The following DOCK1 variants were observed in gnomAD, a reference collection of about 807,000 sequenced individuals.
DOCK1 encodes the protein dedicator of cytokinesis 1.
DOCK1 carries 138 observed loss-of-function variants against 262.7 expected under a neutral mutation model. That is an observed-to-expected ratio of 0.53 (90% CI 0.46 to 0.61). The LOEUF is 0.61. DOCK1 is among the 20% of genes least tolerant of loss of function. The pLI is 0.00. For missense variants in DOCK1, 1,908 were observed against 2,370.7 expected (o/e 0.80, Z 4.05); for synonymous variants, 866 against 867.4 (o/e 1.00, Z 0.03).
intron 15 of DOCK1, chr10:127,024,999 C>T: frequency 2.3e-6 from 1 of 433,126 alleles, no homozygotes; most frequent in Non-Finnish European, 4.1e-6. Context: ...ATAGGACGTT[C>T]ATGGAGACAA....
chr10:127,321,687 T>C (rs1427654799), intron 29 of DOCK1, among the ~76,000 whole-genome samples: 1 of 151,752 alleles, frequency 6.6e-6, no homozygotes, highest in Non-Finnish European at 1.5e-5. Context: ...CAGTTACCTC[T>C]GCAGCGTCCT....
chr10:127,387,813 G>T (rs2066215606), intron 38 of DOCK1, among the ~76,000 whole-genome samples: 1 of 151,742 alleles, frequency 6.6e-6, no homozygotes, highest in South Asian at 2.1e-4. Context: ...CTCATGTATG[G>T]CAGGACAGGT....
chr10:127,388,143 A>C (rs1447825366), intron 38 of DOCK1, among the ~76,000 whole-genome samples: 2 of 152,198 alleles, frequency 1.3e-5, no homozygotes, highest in Non-Finnish European at 2.9e-5. Context: ...TCAAGTGATG[A>C]AATGGAATGG....
chr10:127,224,469 G>A (rs755864552), intron 27 of DOCK1, among the ~76,000 whole-genome samples: 16 of 151,932 alleles, frequency 1.1e-4, no homozygotes, highest in Non-Finnish European at 1.9e-4. Flanking sequence ...GGCTGAGGGA[G>A]GAAAATCACT....
At chr10:127,302,622 C>T (rs2135439789) in intron 29 of DOCK1, among the ~76,000 whole-genome samples, 1 of 152,214 alleles carries the variant, frequency 6.6e-6, no homozygotes, top group Non-Finnish European at 1.5e-5. Context: ...ACAATTCAAA[C>T]AATTTTGTTT....
chr10:127,047,582 G>A (rs753144840), intron 21 of DOCK1, among the ~76,000 whole-genome samples: 4 of 151,158 alleles, frequency 2.6e-5, no homozygotes, highest in Admixed American at 1.3e-4. Context: ...TTGTTTGGAC[G>A]GTTTTTGTAT....
intron 27 of DOCK1, among the ~76,000 whole-genome samples, chr10:127,178,042 C>T (rs909831423): frequency 2.6e-5 from 4 of 152,166 alleles, no homozygotes; most frequent in African/African-American, 9.7e-5. Flanking sequence ...ATCCTTAGCC[C>T]TTACTGAGTT....
intron 23 of DOCK1, among the ~76,000 whole-genome samples, chr10:127,101,174 A>C (rs1382882299): frequency 1.3e-5 from 2 of 150,944 alleles, no homozygotes; most frequent in Non-Finnish European, 2.9e-5. Context: ...AAGCTTAGCG[A>C]GTTCCTTTCT....
At chr10:127,019,063 G>A (rs2135410467) in intron 13 of DOCK1, 3 of 581,486 alleles carry the variant, frequency 5.2e-6, no homozygotes, top group Non-Finnish European at 8.5e-6. Context: ...CTCCCCAGCT[G>A]CAAGGATTGT....
chr10:127,361,984 T>C (rs1216709827), intron 32 of DOCK1, 80 bp from the exon 33 acceptor site: 3 of 1,401,176 alleles, frequency 2.1e-6, no homozygotes, highest in African/African-American at 2.9e-5. Flanking sequence ...GTGATCTGTG[T>C]TGTGTTGTTT....
At chr10:126,984,059 G>A (rs10829439) in intron 4 of DOCK1, among the ~76,000 whole-genome samples, 64,871 of 151,926 alleles carry the variant, frequency 0.43, 14,271 homozygotes, top group East Asian at 0.64. Context: ...GCATGTCACC[G>A]TCTCCTCTGT....
At chr10:126,998,953 T>A (rs1374338135) in intron 8 of DOCK1, among the ~76,000 whole-genome samples, 1 of 152,240 alleles carries the variant, frequency 6.6e-6, no homozygotes, top group Non-Finnish European at 1.5e-5. Context: ...TCACTTCTGA[T>A]AAAGACTTTG....
intron 29 of DOCK1, among the ~76,000 whole-genome samples, chr10:127,326,149 G>A (rs2062739595): frequency 6.6e-6 from 1 of 152,208 alleles, no homozygotes; most frequent in Non-Finnish European, 1.5e-5. Context: ...GATCAGGATG[G>A]TGGTTGCTGA....
chr10:127,217,678 T>C (rs184144581), intron 27 of DOCK1, among the ~76,000 whole-genome samples: 1 of 152,324 alleles, frequency 6.6e-6, no homozygotes, highest in Admixed American at 6.5e-5. Context: ...AAGAATAAGG[T>C]TGTCTATATG....
At chr10:127,363,291 C>G (rs1344086522) in intron 33 of DOCK1, among the ~76,000 whole-genome samples, 4 of 152,124 alleles carry the variant, frequency 2.6e-5, no homozygotes, top group Non-Finnish European at 5.9e-5. Flanking sequence ...AGGCAGATCA[C>G]TTGAGCTCAG....
chr10:127,048,080 A>G (rs981327763), intron 21 of DOCK1, among the ~76,000 whole-genome samples: 2 of 152,198 alleles, frequency 1.3e-5, no homozygotes, highest in South Asian at 4.1e-4. Context: ...TCTTTGTAAG[A>G]TATTGCGAGA....
At chr10:127,239,228 CAT>C in intron 27 of DOCK1, among the ~76,000 whole-genome samples, 4 of 152,242 alleles carry the variant, frequency 2.6e-5, no homozygotes, top group Admixed American at 2.6e-4. Context: ...GATCACTTGT[CAT>C]GTGCAGTGTT....
intron 27 of DOCK1, among the ~76,000 whole-genome samples, chr10:127,189,126 C>G (rs1489443430): frequency 6.6e-6 from 1 of 152,190 alleles, no homozygotes; most frequent in Non-Finnish European, 1.5e-5. Flanking sequence ...GCAGGACCTA[C>G]GAGACACAAG....
At position 126,996,839 on chromosome 10, in the gene DOCK1, G is replaced by GA; in HGVS notation, c.568dup (p.Ile190AsnfsTer4). The GA allele has an allele frequency of 6.2e-7, 1 of 1,611,542 alleles. No individual in the cohort carries two copies. The highest frequency in any genetic ancestry group is 8.5e-7 in the Non-Finnish European group (1 of 1,179,104). On this transcript the variant is annotated frameshift_variant, in exon 7 of 52. Transcript: ENST00000623213. LOFTEE classifies it high-confidence loss of function. The stretch of plus-strand genomic sequence containing the variant: ...CACGATTAGTCTCTTCAGAGCTCAT[G>GA]AAATAGCTTCTAAACAAGTGGAGGA...
Sources: gnomAD v4.1 joint callset for allele counts (sites outside exome capture counted in the v4.1 genomes callset) on GRCh38, gnomAD v4.1.1 for gene constraint, MANE v1.5 for transcripts, NCBI Gene and HGNC (gene_info 2026-07-23, HGNC 2026-07-21) for gene names.